PEBP4: variants seen among roughly 807,000 people sequenced by gnomAD.
PEBP4 encodes phosphatidylethanolamine-binding protein 4.
Under a neutral mutation model 23.9 loss-of-function variants are expected in PEBP4, and 22 were observed. That is an observed-to-expected ratio of 0.92 (90% confidence interval 0.66 to 1.31). The LOEUF (loss-of-function observed/expected upper bound fraction) is 1.31, where lower values mean the gene tolerates loss of function less well. Ranked by LOEUF, PEBP4 falls within the 40% of genes most tolerant of loss-of-function variation. The probability of loss-of-function intolerance (pLI) is 0.00; values close to 1 mark genes in which losing one functional copy is unlikely to be tolerated. For synonymous variants in PEBP4, 112 were observed against 99.3 expected, an observed-to-expected ratio of 1.13 and a Z score of -0.76; for missense variants, 324 against 281.7, an observed-to-expected ratio of 1.15 and a Z score of -1.07.
chr8:22,913,704 AC>A (rs1808999646), intron 3 of PEBP4, among the ~76,000 whole-genome samples: 1 of 151,782 alleles, frequency 6.6e-6, no homozygotes, highest in South Asian at 2.1e-4. Context: ...CCTAACTCCC[AC>A]CATTCACACC....
intron 3 of PEBP4, among the ~76,000 whole-genome samples, chr8:22,901,157 A>C (rs1340848077): frequency 6.6e-6 from 1 of 152,166 alleles, no homozygotes; most frequent in Non-Finnish European, 1.5e-5. Context: ...CCTATATTCC[A>C]CGGACAGGCC....
chr8:22,902,917 G>C (rs4872037), intron 3 of PEBP4, among the ~76,000 whole-genome samples: 3 of 152,230 alleles, frequency 2.0e-5, no homozygotes, highest in South Asian at 4.1e-4. Context: ...ATAGCCTTGC[G>C]TTCCCACACG....
chr8:22,783,614 C>T (rs952406646), intron 4 of PEBP4, among the ~76,000 whole-genome samples: 10 of 152,224 alleles, frequency 6.6e-5, no homozygotes, highest in African/African-American at 2.4e-4. Context: ...ACAGCAGCGA[C>T]CCTCAAGATG....
At chr8:22,764,257 T>TAC (rs1365708707) in intron 4 of PEBP4, among the ~76,000 whole-genome samples, 1 of 152,028 alleles carries the variant, frequency 6.6e-6, no homozygotes, top group Non-Finnish European at 1.5e-5. Flanking sequence ...TTGAATCTAA[T>TAC]ACACACACAC....
At chr8:22,719,819 G>T (rs191714624) in intron 6 of PEBP4, among the ~76,000 whole-genome samples, 47 of 152,280 alleles carry the variant, frequency 3.1e-4, no homozygotes, top group Admixed American at 7.2e-4. Context: ...CTGGTGGAGA[G>T]GCTGGTGGAG....
At chr8:22,808,096 A>T (rs1806541392) in intron 4 of PEBP4, among the ~76,000 whole-genome samples, 1 of 151,312 alleles carries the variant, frequency 6.6e-6, no homozygotes, top group South Asian at 2.1e-4. Context: ...CTATCCATCC[A>T]TTCATTCAGC....
At chr8:22,748,038 A>G (rs1448194452) in intron 4 of PEBP4, among the ~76,000 whole-genome samples, 2 of 152,252 alleles carry the variant, frequency 1.3e-5, no homozygotes, top group Non-Finnish European at 2.9e-5. Flanking sequence ...TGCAATGCTC[A>G]GACTCTTAGT....
At chr8:22,767,080 C>T (rs147694660) in intron 4 of PEBP4, among the ~76,000 whole-genome samples, 8 of 152,316 alleles carry the variant, frequency 5.3e-5, no homozygotes, top group South Asian at 2.1e-4. Flanking sequence ...AGGGGTGTTC[C>T]GGATCTAACA....
intron 4 of PEBP4, among the ~76,000 whole-genome samples, chr8:22,815,451 T>C (rs1425224913): frequency 6.6e-6 from 1 of 152,208 alleles, no homozygotes; most frequent in East Asian, 1.9e-4. Flanking sequence ...AAGGAAGTAC[T>C]CTGGGTTTGA....
At chr8:22,824,270 A>C (rs1194386680) in intron 3 of PEBP4, among the ~76,000 whole-genome samples, 1 of 151,618 alleles carries the variant, frequency 6.6e-6, no homozygotes, top group Non-Finnish European at 1.5e-5. Flanking sequence ...GCACTCAAGG[A>C]AAAAAAAAGT....
chr8:22,751,873 C>T (rs1563204563), intron 4 of PEBP4, among the ~76,000 whole-genome samples: 2 of 152,080 alleles, frequency 1.3e-5, no homozygotes, highest in African/African-American at 2.4e-5. Context: ...TCATCACCAG[C>T]CACCCACTCA....
chr8:22,882,989 G>A (rs1461256369), intron 3 of PEBP4, among the ~76,000 whole-genome samples: 5 of 152,056 alleles, frequency 3.3e-5, no homozygotes, highest in Admixed American at 6.5e-5. Flanking sequence ...CCTCCCAACC[G>A]AGCCTGGGGT....
intron 4 of PEBP4, among the ~76,000 whole-genome samples, chr8:22,812,518 A>G (rs1003500656): frequency 4.6e-5 from 7 of 152,206 alleles, no homozygotes; most frequent in Admixed American, 1.3e-4. Context: ...TAGGAAGCCT[A>G]AGTCACGCCT....
At position 22,854,928 on chromosome 8, in the gene PEBP4, G is replaced by A. The variant is rs1807609086; in HGVS notation, c.259-37193C>T. Among the ~76,000 whole-genome samples, 4 of 92,078 alleles carry A rather than the reference G, an allele frequency of 4.3e-5. No homozygotes were observed. In the Admixed American group the frequency reaches 4.8e-4, roughly 11 times the overall value. 60.4% of individuals were successfully genotyped at this position (92,078 alleles called of 152,430 possible). A position where few individuals can be genotyped will look rare whatever the true frequency, so the allele number is the denominator to read the frequency against. On this transcript the variant is annotated intron_variant, in intron 3 of 6. Transcript: ENST00000256404. ...ACTAGCAGAAGGGTGAGATTAGAAT[G>A]TGTGTGTGTGTGTGTGTGTGTGTGT...
chr8:22,874,447 G>T (rs1440628746), intron 3 of PEBP4, among the ~76,000 whole-genome samples: 2 of 152,086 alleles, frequency 1.3e-5, no homozygotes, highest in Non-Finnish European at 2.9e-5. Flanking sequence ...CGTTAAAAAA[G>T]AAATAGTTAT....
At chr8:22,872,968 C>T (rs753055112) in intron 3 of PEBP4, among the ~76,000 whole-genome samples, 15 of 152,132 alleles carry the variant, frequency 9.9e-5, no homozygotes, top group Non-Finnish European at 2.1e-4. Context: ...TGAGCCACCA[C>T]GCCCAGCCTA....
At chr8:22,939,135 T>C (rs1477307810) in intron 1 of PEBP4, among the ~76,000 whole-genome samples, 1 of 152,230 alleles carries the variant, frequency 6.6e-6, no homozygotes, top group African/African-American at 2.4e-5. Context: ...TGGGGCTTAC[T>C]TCTAAATGAA....
intron 3 of PEBP4, chr8:22,887,126 G>C (rs1808398588): frequency 6.6e-6 from 1 of 151,856 alleles, no homozygotes; most frequent in Non-Finnish European, 1.5e-5. Context: ...GTATGTGTGT[G>C]TGTGTGTGTA....
At chr8:22,930,455 C>T (rs796192132), upstream of PEBP4, among the ~76,000 whole-genome samples, 15 of 152,192 alleles carry the variant, frequency 9.9e-5, no homozygotes, top group African/African-American at 2.6e-4. Flanking sequence ...ATAAGCTTCT[C>T]GGAGGCAGCA....
Sources: gnomAD v4.1 joint callset for allele counts (sites outside exome capture counted in the v4.1 genomes callset) on GRCh38, gnomAD v4.1.1 for gene constraint, MANE v1.5 for transcripts, NCBI Gene and HGNC (gene_info 2026-07-23, HGNC 2026-07-21) for gene names.